Variants in RXFP2 observed in about 807,000 individuals in gnomAD.
The protein encoded by RXFP2 is relaxin family peptide receptor 2.
In RXFP2, 68 loss-of-function variants were observed where a neutral mutation model predicts 88.6. The ratio of observed to expected loss-of-function variants is 0.77; its 90% CI spans 0.63 to 0.94. The LOEUF is 0.94. Among genes scored for constraint, RXFP2 ranks in the 40% least tolerant of loss-of-function variants. The probability of loss-of-function intolerance (pLI) is 0.00; values close to 1 mark genes in which losing one functional copy is unlikely to be tolerated. For synonymous variants in RXFP2, 329 were observed against 306.8 expected, an observed-to-expected ratio of 1.07 and a Z score of -0.76; for missense variants, 791 against 893.9, an observed-to-expected ratio of 0.88 and a Z score of 1.47.
chr13:31,768,022 C>T (rs987139601), intron 5 of RXFP2, among the ~76,000 whole-genome samples: 7 of 152,134 alleles, frequency 4.6e-5, no homozygotes, highest in African/African-American at 9.7e-5. Context: ...CCTCTGTGGT[C>T]CCAGGCCCTG....
At chr13:31,762,152 A>T (rs1872329803) in intron 3 of RXFP2, among the ~76,000 whole-genome samples, 1 of 152,240 alleles carries the variant, frequency 6.6e-6, no homozygotes, top group Admixed American at 6.5e-5. Flanking sequence ...ACCCACAAAC[A>T]TCTCACATGT....
In RXFP2 at chr13:31,780,572, G is replaced by A. The variant is rs973474577; in HGVS notation, c.786-1099G>A. 4.6e-5 allele frequency among the ~76,000 whole-genome samples: 7 copies of A among 152,192 alleles called. No homozygotes were observed. In the South Asian group the frequency reaches 1.0e-3, roughly 23 times the overall value. On this transcript the variant is annotated intron_variant, in intron 9 of 17. Transcript: ENST00000298386. ...TGACAAAGGGATTGGTGATTTTAGT[G>A]TGACTATGAGAAAAGTTCAGAAGAA...
chr13:31,740,876 T>C (rs1246358640), intron 1 of RXFP2, among the ~76,000 whole-genome samples: 2 of 152,188 alleles, frequency 1.3e-5, no homozygotes, highest in East Asian at 3.9e-4. Flanking sequence ...GCAGTCTATT[T>C]CTATATTTAA....
At chr13:31,769,704 T>A (rs1429677609) in intron 5 of RXFP2, among the ~76,000 whole-genome samples, 1 of 152,220 alleles carries the variant, frequency 6.6e-6, no homozygotes, top group Non-Finnish European at 1.5e-5. Context: ...TGATCTATAA[T>A]TTCTAATTCC....
intron 1 of RXFP2, among the ~76,000 whole-genome samples, chr13:31,746,683 GAAT>G (rs1871432535): frequency 1.3e-5 from 2 of 149,022 alleles, no homozygotes; most frequent in Admixed American, 1.3e-4. Context: ...AGTAGACATT[GAAT>G]AGGTCATTGC....
chr13:31,793,805 C>A (rs1326662647), intron 16 of RXFP2, among the ~76,000 whole-genome samples: 1 of 152,104 alleles, frequency 6.6e-6, no homozygotes, highest in Non-Finnish European at 1.5e-5. Flanking sequence ...TCTTCCCATC[C>A]AAGGAGCCAA....
chr13:31,759,841 A>G (rs1026072766), intron 2 of RXFP2, among the ~76,000 whole-genome samples: 1 of 151,920 alleles, frequency 6.6e-6, no homozygotes, highest in Non-Finnish European at 1.5e-5. Flanking sequence ...GCCCCTGGGT[A>G]CTCAGGCGTG....
chr13:31,760,897 T>A (rs552252646), intron 2 of RXFP2, among the ~76,000 whole-genome samples: 1 of 152,332 alleles, frequency 6.6e-6, no homozygotes, highest in Admixed American at 6.5e-5. Flanking sequence ...CATTTACATA[T>A]GACAAATTGA....
intron 5 of RXFP2, among the ~76,000 whole-genome samples, chr13:31,772,569 C>G (rs982937872): frequency 6.6e-6 from 1 of 152,112 alleles, no homozygotes; most frequent in Admixed American, 6.5e-5. Context: ...CCAAATATCC[C>G]CACACATTCT....
chr13:31,746,552 A>G (rs953369732), intron 1 of RXFP2, among the ~76,000 whole-genome samples: 3 of 152,184 alleles, frequency 2.0e-5, no homozygotes, highest in African/African-American at 7.2e-5. Flanking sequence ...TTTAAGAGAA[A>G]TTAATAAACT....
chr13:31,764,288 C>CACACAG (rs1252355328), intron 3 of RXFP2, among the ~76,000 whole-genome samples: 2 of 149,950 alleles, frequency 1.3e-5, no homozygotes, highest in Non-Finnish European at 3.0e-5. Flanking sequence ...CACACACACA[C>CACACAG]AGTGACTGTC....
intron 7 of RXFP2, among the ~76,000 whole-genome samples, 159 bp downstream of exon 7, chr13:31,775,548 A>G (rs909348672): frequency 1.3e-5 from 2 of 152,182 alleles, no homozygotes; most frequent in Non-Finnish European, 2.9e-5. Context: ...ATTCAATGTC[A>G]TGTCAAGTAG....
chr13:31,748,243 A>G (rs187406786), intron 1 of RXFP2, among the ~76,000 whole-genome samples: 1 of 152,318 alleles, frequency 6.6e-6, no homozygotes, highest in East Asian at 1.9e-4. Flanking sequence ...ATGGGCATTT[A>G]CCTAGAAGTA....
At chr13:31,744,778 CTGTT>C (rs1329852140) in intron 1 of RXFP2, among the ~76,000 whole-genome samples, 2 of 151,238 alleles carry the variant, frequency 1.3e-5, no homozygotes, top group Admixed American at 6.6e-5. Flanking sequence ...TTAAAGCTGT[CTGTT>C]TGGGGTTTTA....
chr13:31,797,499 C>A, intron 17 of RXFP2, 80 bp downstream of exon 17: 1 of 997,772 alleles, frequency 1.0e-6, no homozygotes, highest in Non-Finnish European at 1.6e-6. Flanking sequence ...GAGTCTAGGA[C>A]ACATAATAAA....
At chr13:31,743,321 A>G (rs1171962629) in intron 1 of RXFP2, among the ~76,000 whole-genome samples, 1 of 152,048 alleles carries the variant, frequency 6.6e-6, no homozygotes, top group African/African-American at 2.4e-5. Flanking sequence ...TACAAAAATC[A>G]GGCAGGCATG....
intron 14 of RXFP2, among the ~76,000 whole-genome samples, chr13:31,790,881 G>A (rs944782036): frequency 2.0e-5 from 3 of 152,098 alleles, no homozygotes; most frequent in African/African-American, 7.2e-5. Flanking sequence ...TCTGAGTAGG[G>A]CATGAGCATG....
chr13:31,739,779 GT>G, intron 1 of RXFP2, 73 bp downstream of exon 1: 1 of 967,408 alleles, frequency 1.0e-6, no homozygotes, highest in Non-Finnish European at 1.7e-6. Flanking sequence ...TTCTATGGCA[GT>G]TGTAATAAAT....
At chr13:31,787,272 C>T (rs1040372852) in intron 13 of RXFP2, among the ~76,000 whole-genome samples, 10 of 152,190 alleles carry the variant, frequency 6.6e-5, no homozygotes, top group African/African-American at 2.4e-4. Context: ...AAAGCATTTC[C>T]TCCTTTAATT....
Sources: gnomAD v4.1 joint callset for allele counts (sites outside exome capture counted in the v4.1 genomes callset) on GRCh38, gnomAD v4.1.1 for gene constraint, MANE v1.5 for transcripts, NCBI Gene and HGNC (gene_info 2026-07-23, HGNC 2026-07-21) for gene names.